ARHGAP15: variants seen among roughly 807,000 people sequenced by gnomAD.
ARHGAP15 encodes the protein rho GTPase-activating protein 15.
Under a neutral mutation model 63.7 loss-of-function variants are expected in ARHGAP15, and 51 were observed. The ratio of observed to expected loss-of-function variants is 0.80; its 90% CI spans 0.64 to 1.01. ARHGAP15 has a LOEUF of 1.01. Among genes scored for constraint, ARHGAP15 ranks in the 50% least tolerant of loss-of-function variants. The pLI is 0.00. For synonymous variants in ARHGAP15, 191 were observed against 193.8 expected (o/e 0.99, Z 0.12); for missense variants, 560 against 564.6 (o/e 0.99, Z 0.08).
At chr2:143,761,255 T>C (rs1686750529) in intron 13 of ARHGAP15, among the ~76,000 whole-genome samples, 1 of 152,218 alleles carries the variant, frequency 6.6e-6, no homozygotes, top group African/African-American at 2.4e-5. Flanking sequence ...AAAGTCACAA[T>C]TAACATTTCA....
At chr2:143,202,299 T>C (rs1172213826) in intron 3 of ARHGAP15, 97 bp downstream of exon 3, 1 of 1,006,344 alleles carries the variant, frequency 9.9e-7, no homozygotes, top group Non-Finnish European at 1.6e-6. Context: ...TATCTCATTT[T>C]TCTGTGGGTC....
intron 6 of ARHGAP15, among the ~76,000 whole-genome samples, chr2:143,421,679 A>C (rs1316622717): frequency 6.6e-6 from 1 of 152,006 alleles, no homozygotes; most frequent in Admixed American, 6.6e-5. Context: ...ATTACATCAC[A>C]TATAGTAAAG....
chr2:143,413,982 G>A (rs1199903248), intron 6 of ARHGAP15, among the ~76,000 whole-genome samples: 2 of 65,280 alleles, frequency 3.1e-5, no homozygotes, highest in African/African-American at 1.4e-4. Flanking sequence ...CTCTCTGGCA[G>A]AAAGTTAATC....
chr2:143,733,784 A>T (rs1574907514), intron 13 of ARHGAP15, among the ~76,000 whole-genome samples: 1 of 152,148 alleles, frequency 6.6e-6, no homozygotes, highest in Non-Finnish European at 1.5e-5. Flanking sequence ...CTAATAAGAT[A>T]AAAAAGTGTG....
intron 8 of ARHGAP15, among the ~76,000 whole-genome samples, chr2:143,452,314 T>C (rs1306649696): frequency 6.6e-6 from 1 of 152,006 alleles, no homozygotes; most frequent in Admixed American, 6.6e-5. Context: ...TAGGATCTGC[T>C]TATTGTGTAG....
chr2:143,475,521 G>C (rs1467178299), intron 8 of ARHGAP15, among the ~76,000 whole-genome samples: 2 of 152,220 alleles, frequency 1.3e-5, no homozygotes, highest in African/African-American at 2.4e-5. Flanking sequence ...GACATTTCCG[G>C]ATATTCGATG....
chr2:143,458,750 G>A (rs1690778313), intron 8 of ARHGAP15, among the ~76,000 whole-genome samples: 2 of 152,050 alleles, frequency 1.3e-5, no homozygotes, highest in African/African-American at 4.8e-5. Flanking sequence ...TTGCTTTGAA[G>A]TTATGACTCA....
chr2:143,661,898 G>A (rs544259896), intron 12 of ARHGAP15, among the ~76,000 whole-genome samples: 42 of 152,312 alleles, frequency 2.8e-4, no homozygotes, highest in Middle Eastern at 6.8e-3. Flanking sequence ...ATTATATCCC[G>A]CACCTGGCTC....
At chr2:143,573,939 G>C (rs1040264519) in intron 11 of ARHGAP15, among the ~76,000 whole-genome samples, 1 of 152,106 alleles carries the variant, frequency 6.6e-6, no homozygotes, top group Non-Finnish European at 1.5e-5. Flanking sequence ...ATAAAATCAA[G>C]ATTGAGAGGA....
intron 6 of ARHGAP15, among the ~76,000 whole-genome samples, chr2:143,369,022 A>G (rs1345590049): frequency 6.6e-6 from 1 of 152,178 alleles, no homozygotes; most frequent in African/African-American, 2.4e-5. Context: ...GAATAGTGAC[A>G]CATTCAGACT....
chr2:143,383,069 G>A (rs546349275), intron 6 of ARHGAP15, among the ~76,000 whole-genome samples: 1 of 152,252 alleles, frequency 6.6e-6, no homozygotes, highest in East Asian at 1.9e-4. Context: ...GTGTGTCAAG[G>A]TTGCAGAGGA....
At chr2:143,654,043 CTG>C (rs1200216456) in intron 12 of ARHGAP15, among the ~76,000 whole-genome samples, 2 of 152,072 alleles carry the variant, frequency 1.3e-5, no homozygotes, top group South Asian at 4.1e-4. Flanking sequence ...CAAAAAAAGA[CTG>C]GGGCTAGGGA....
At chr2:143,390,576 G>A (rs1299173318) in intron 6 of ARHGAP15, among the ~76,000 whole-genome samples, 1 of 152,122 alleles carries the variant, frequency 6.6e-6, no homozygotes. Flanking sequence ...AATTCATGGA[G>A]CAGGAGATGC....
chr2:143,343,609 T>C (rs1685152592), intron 6 of ARHGAP15, among the ~76,000 whole-genome samples: 1 of 152,090 alleles, frequency 6.6e-6, no homozygotes, highest in Non-Finnish European at 1.5e-5. Flanking sequence ...GTTGCGTTAA[T>C]GAATGATTTC....
At chr2:143,420,542 A>G (rs1688872993) in intron 6 of ARHGAP15, among the ~76,000 whole-genome samples, 1 of 152,170 alleles carries the variant, frequency 6.6e-6, no homozygotes, top group Non-Finnish European at 1.5e-5. Flanking sequence ...AGTAATTTTT[A>G]CTATATTTAA....
intron 6 of ARHGAP15, among the ~76,000 whole-genome samples, chr2:143,297,895 A>G (rs996190699): frequency 4.6e-5 from 7 of 152,018 alleles, no homozygotes; most frequent in Admixed American, 2.0e-4. Context: ...GACTATTACT[A>G]GGCCACATGT....
chr2:143,372,658 G>A (rs1193645366), intron 6 of ARHGAP15, among the ~76,000 whole-genome samples: 1 of 152,102 alleles, frequency 6.6e-6, no homozygotes, highest in Non-Finnish European at 1.5e-5. Context: ...TAAGGAATCT[G>A]ATGAAAGATA....
chr2:143,461,003 G>A (rs1217734114), intron 8 of ARHGAP15, among the ~76,000 whole-genome samples: 2 of 152,090 alleles, frequency 1.3e-5, no homozygotes, highest in African/African-American at 2.4e-5. Flanking sequence ...GCATCTAGAA[G>A]ACTTGGCTGG....
Position 143,415,991 on chromosome 2 carries a change from G to A in ARHGAP15, c.475-19610G>A, listed in dbSNP as rs116680382. On this transcript the variant is annotated intron_variant, in intron 6 of 13. Coordinates refer to ENST00000295095, the MANE Select transcript of ARHGAP15 (RefSeq NM_018460.4). ...ACTCAAGGGGAAAGGGTGGGAAGGG[G>A]CTAAGGCATAAAAGACTACAAATCA... Among the ~76,000 whole-genome samples, 689 of 152,090 alleles carry A rather than the reference G, an allele frequency of 4.5e-3. 7 individuals are homozygous for A. The highest frequency in any genetic ancestry group is 0.016 in the African/African-American group (659 of 41,482).
Sources: allele counts gnomAD v4.1 joint callset (sites outside exome capture counted in the v4.1 genomes callset), GRCh38; gene constraint gnomAD v4.1.1; transcripts MANE v1.5; gene names NCBI Gene and HGNC (gene_info 2026-07-23, HGNC 2026-07-21).